POLE: variants seen among roughly 807,000 people sequenced by gnomAD.
POLE encodes the protein DNA polymerase epsilon, catalytic subunit, also known as DNA polymerase epsilon catalytic subunit A.
POLE carries 188 observed loss-of-function variants against 279.2 expected under a neutral mutation model. That is an observed-to-expected ratio of 0.67 (90% confidence interval 0.60 to 0.76). The LOEUF is 0.76. Among genes scored for constraint, POLE ranks in the 30% least tolerant of loss-of-function variants. POLE has a pLI of 0.00. For synonymous variants in POLE, 1,214 were observed against 1,172.5 expected (o/e 1.04, Z -0.72); for missense variants, 2,703 against 3,016.7 (o/e 0.90, Z 2.44).
At chr12:132,647,720 G>A (rs1311204733) in intron 32 of POLE, among the ~76,000 whole-genome samples, 1 of 152,074 alleles carries the variant, frequency 6.6e-6, no homozygotes, top group Non-Finnish European at 1.5e-5. Context: ...CATCCCAAAA[G>A]TTAGGGCACT....
intron 40 of POLE, chr12:132,638,554 C>G (rs758172887): frequency 7.2e-5 from 12 of 167,668 alleles, no homozygotes; most frequent in Non-Finnish European, 1.3e-4. Flanking sequence ...GTAATAATCC[C>G]CGGCCATGTT....
At chr12:132,666,845 T>G (rs755255404) in intron 20 of POLE, among the ~76,000 whole-genome samples, 5 of 152,086 alleles carry the variant, frequency 3.3e-5, no homozygotes, top group Non-Finnish European at 5.9e-5. Context: ...ACTGAGCACT[T>G]AAAAACACTA....
At chr12:132,676,507 C>T in intron 9 of POLE, 39 bp downstream of exon 9, 1 of 1,270,182 alleles carries the variant, frequency 7.9e-7, no homozygotes, top group African/African-American at 1.5e-5. Flanking sequence ...GACAAGGTCC[C>T]CATCCCAGGA....
In POLE at chr12:132,657,449, G is replaced by A. The variant is rs2138660358; in HGVS notation, c.3379-20C>T. On this transcript the variant is annotated intron_variant, in intron 27 of 48. Coordinates refer to ENST00000320574, the MANE Select transcript of POLE (RefSeq NM_006231.4). The stretch of plus-strand genomic sequence containing the variant: ...CAGAATCTGCATGTGCAGGAAACGG[G>A]CACAGAGAACAGCAGGTGGCAGCAG... 1.2e-6 allele frequency: 2 copies of A among 1,611,082 alleles called. No individual in the cohort carries two copies. Among genetic ancestry groups the A allele is most frequent in the South Asian group, 2.2e-5 (2 of 90,906 alleles).
intron 6 of POLE, among the ~76,000 whole-genome samples, chr12:132,678,916 G>A (rs1309662227): frequency 3.3e-5 from 5 of 152,224 alleles, no homozygotes; most frequent in Non-Finnish European, 7.3e-5. Flanking sequence ...GGCATTGCCA[G>A]GGAAGGCGGA....
In POLE at chr12:132,664,108, G is replaced by A. The variant is rs115830215; in HGVS notation, c.2602C>T (p.Leu868=). The change falls in exon 23 of 49, where the codon CTG becomes TTG. Residue 868 remains leucine, a synonymous_variant. Transcript: ENST00000320574. The surrounding 1 kb of genome is among the most constrained non-coding windows in gnomAD (Gnocchi z 5.3). ...AAATTTTCTGGGAAGCTGTTGGGCA[G>A]GACGCACCATATACCATCTGTGTCC... ...ELDTDGIWCV[L]PNSFPENFVF... 7.2e-5 allele frequency: 116 copies of A among 1,614,172 alleles called. 1 individual carries two copies. The African/African-American group carries it at 1.3e-3, about 18-fold the overall frequency.
intron 39 of POLE, chr12:132,640,877 C>T (rs942336543): frequency 2.4e-6 from 1 of 417,072 alleles, no homozygotes; most frequent in Non-Finnish European, 4.9e-6. Context: ...TCCCAACTGC[C>T]TCCCTGCCTC....
rs1057522227 is a variant in POLE at position 132,642,595 on chromosome 12, G to C, written c.4863C>G (p.Val1621=). 3.7e-6 allele frequency: 6 copies of C among 1,613,436 alleles called. No homozygotes were observed. The highest frequency in any genetic ancestry group is 5.1e-6 in the Non-Finnish European group (6 of 1,180,052). Residue 1621 remains valine (V), a synonymous_variant, in exon 37 of 49, where the codon GTC becomes GTG. Coordinates refer to ENST00000320574, the MANE Select transcript of POLE (RefSeq NM_006231.4). ...GGGCTCCATGGCGCTGCCAGTCCAGGACCCCATAGTTGATCTTGTCAGCCA... is the reference window on the plus strand; with the variant it reads ...GGGCTCCATGGCGCTGCCAGTCCAGCACCCCATAGTTGATCTTGTCAGCCA... ...ICVADKINYG[V]LDWQRHGARR...
chr12:132,645,698 G>GT (rs1204589586), intron 32 of POLE, among the ~76,000 whole-genome samples: 2 of 152,158 alleles, frequency 1.3e-5, no homozygotes, highest in African/African-American at 2.4e-5. Flanking sequence ...GTTATTTGGC[G>GT]TAACAACAAC....
chr12:132,659,181 C>G (rs5744870), intron 26 of POLE, 114 bp downstream of exon 26: 1 of 1,079,612 alleles, frequency 9.3e-7, no homozygotes, highest in Non-Finnish European at 1.3e-6. Flanking sequence ...CGTGACAGGG[C>G]AGCCCTCACC....
chr12:132,625,811 C>G, intron 46 of POLE, 41 bp from the exon 47 acceptor site: 1 of 1,597,718 alleles, frequency 6.3e-7, no homozygotes, highest in Non-Finnish European at 8.5e-7. Context: ...AGCCCAGCCT[C>G]CAGACCACAG....
At position 132,628,921 on chromosome 12, in the gene POLE, T is replaced by C. The variant is rs181396413; in HGVS notation, c.6331-2604A>G. Among the ~76,000 whole-genome samples the C allele has an allele frequency of 1.8e-3, 277 of 152,346 alleles. 2 individuals are homozygous for C. The highest frequency in any genetic ancestry group is 6.4e-3 in the African/African-American group (267 of 41,576). On this transcript the variant is annotated intron_variant, in intron 45 of 48. Transcript: ENST00000320574. The stretch of plus-strand genomic sequence containing the variant: ...CTGTTAATGTTGATATTTTGACCCC[T>C]TCTCCCATGAGTCACAAATGTTCTT...
intron 16 of POLE, among the ~76,000 whole-genome samples, chr12:132,670,615 C>T (rs950915770): frequency 1.5e-4 from 23 of 149,386 alleles, no homozygotes; most frequent in African/African-American, 5.2e-4. Flanking sequence ...CTCAGCCTCC[C>T]GAGTAGCTGG....
rs780528325 is a variant in POLE at position 132,649,091 on chromosome 12, A to G, written c.4006-19T>C. On this transcript the variant is annotated intron_variant, in intron 31 of 48. Transcript: ENST00000320574. ...CGCTGATCTGAAAGGCCACACGGAC[A>G]TACAGCACATCACAGGACACACTGG... is the stretch of plus-strand genomic sequence containing the variant. The G allele has an allele frequency of 2.5e-6, 4 of 1,607,998 alleles. No individual in the cohort carries two copies. The Admixed American group carries it at 6.7e-5, about 27-fold the overall frequency.
chr12:132,654,165 T>G lies in POLE; in HGVS notation c.3582+2971A>C, dbSNP rs1372448072. 5.0e-5 allele frequency among the ~76,000 whole-genome samples: 7 copies of G among 139,950 alleles called. No individual in the cohort carries two copies. The South Asian group carries it at 6.4e-4, about 13-fold the overall frequency. The allele number at this position is 139,950 out of a possible 152,430, so 91.8% of individuals were successfully genotyped here. On this transcript the variant is annotated intron_variant, in intron 29 of 48. Transcript: ENST00000320574. ...CCAAGGTTACCAAATGAGCTAAGGG[T>G]TTTTTTTTTCCTTTTTCTCTTAAAA...
Position 132,668,786 on chromosome 12 carries a change from T to C in POLE, c.1923+25A>G. On this transcript the variant is annotated intron_variant, in intron 17 of 48. Coordinates refer to ENST00000320574, the MANE Select transcript of POLE (RefSeq NM_006231.4). The surrounding 1 kb of genome is among the most constrained non-coding windows in gnomAD (Gnocchi z 4.0). ...AGGGCTGGGCAGAGAGAGCTCCGAC[T>C]CTGACACGGGAAGTAAAGTCTCACC... is the stretch of plus-strand genomic sequence containing the variant. 6.2e-7 allele frequency: 1 copy of C among 1,613,836 alleles called. No individual in the cohort carries two copies. Among genetic ancestry groups the C allele is most frequent in the Non-Finnish European group, 8.5e-7 (1 of 1,179,720 alleles).
At chr12:132,680,960 T>C in intron 2 of POLE, 178 bp downstream of exon 2, 1 of 696,972 alleles carries the variant, frequency 1.4e-6, no homozygotes, top group South Asian at 2.0e-5. Flanking sequence ...CTTCTCACAG[T>C]GGCCTCTCTG....
chr12:132,674,853 C>T (rs556072305), intron 12 of POLE, among the ~76,000 whole-genome samples: 1,618 of 145,688 alleles, frequency 0.011, 35 homozygotes, highest in African/African-American at 0.04. Context: ...TTCCCTCCCT[C>T]CCTTCCCTTC....
At chr12:132,672,424 A>G (rs1348750443) in intron 15 of POLE, 102 bp from the exon 16 acceptor site, 1 of 1,145,690 alleles carries the variant, frequency 8.7e-7, no homozygotes, top group African/African-American at 1.5e-5. Flanking sequence ...GTGCCCGAGA[A>G]AGCTCCGGAA....
Sources: gnomAD v4.1 joint callset for allele counts (sites outside exome capture counted in the v4.1 genomes callset) on GRCh38, gnomAD v4.1.1 for gene constraint, Gnocchi (gnomAD v3.1) non-coding constraint, MANE v1.5 for transcripts, NCBI Gene and HGNC (gene_info 2026-07-23, HGNC 2026-07-21) for gene names.